Variants in ACOT12 observed in about 807,000 individuals in gnomAD.
ACOT12 encodes acetyl-coenzyme A thioesterase.
Under a neutral mutation model 67.7 loss-of-function variants are expected in ACOT12, and 51 were observed. The observed-to-expected ratio is 0.75, with a 90% CI of 0.60 to 0.95. The LOEUF (loss-of-function observed/expected upper bound fraction) is 0.95. ACOT12 is among the 40% of genes least tolerant of loss of function. The pLI, the probability that ACOT12 is intolerant of heterozygous loss-of-function variation, is 0.00. For missense variants in ACOT12, 734 were observed against 708.1 expected, an observed-to-expected ratio of 1.04 and a Z score of -0.41; for synonymous variants, 251 against 244.6, an observed-to-expected ratio of 1.03 and a Z score of -0.24.
the ACOT12 span, among the ~76,000 whole-genome samples, chr5:81,323,610 C>T: frequency 6.6e-6 from 1 of 152,044 alleles, no homozygotes; most frequent in Non-Finnish European, 1.5e-5. Context: ...GAATGAAAGG[C>T]GACAGAATGA....
intron 3 of ACOT12, among the ~76,000 whole-genome samples, chr5:81,369,078 A>G (rs1456177332): frequency 6.6e-6 from 1 of 152,082 alleles, no homozygotes; most frequent in African/African-American, 2.4e-5. Flanking sequence ...AGCAAAATGT[A>G]TACTTAAAAT....
chr5:81,333,314 G>C (rs1309445835), intron 12 of ACOT12, among the ~76,000 whole-genome samples: 1 of 152,108 alleles, frequency 6.6e-6, no homozygotes, highest in Non-Finnish European at 1.5e-5. Flanking sequence ...AAAGAAATGT[G>C]GTATATTGGA....
chr5:81,318,880 A>C, the ACOT12 span, among the ~76,000 whole-genome samples: 1 of 152,224 alleles, frequency 6.6e-6, no homozygotes, highest in Non-Finnish European at 1.5e-5. Flanking sequence ...TTTTCCAGAG[A>C]ACTGCCAAGC....
At chr5:81,331,284 T>C (rs1293153605) in intron 13 of ACOT12, among the ~76,000 whole-genome samples, 1 of 152,236 alleles carries the variant, frequency 6.6e-6, no homozygotes, top group Non-Finnish European at 1.5e-5. Context: ...ACGCCTGTAA[T>C]CCCAGCACTT....
At chr5:81,347,562 T>C (rs1759418293) in intron 6 of ACOT12, among the ~76,000 whole-genome samples, 2 of 152,206 alleles carry the variant, frequency 1.3e-5, no homozygotes, top group Admixed American at 1.3e-4. Context: ...ATTTTTATTT[T>C]TGAACCAAAA....
chr5:81,339,756 A>G (rs1402398707), intron 11 of ACOT12, among the ~76,000 whole-genome samples: 1 of 152,174 alleles, frequency 6.6e-6, no homozygotes, highest in African/African-American at 2.4e-5. Flanking sequence ...TGCTCCTTGT[A>G]TTACTACTAC....
At chr5:81,347,707 T>C in intron 6 of ACOT12, 67 bp downstream of exon 6, 1 of 1,548,214 alleles carries the variant, frequency 6.5e-7, no homozygotes, top group Non-Finnish European at 8.8e-7. Flanking sequence ...AAGAACTGGA[T>C]CTCAGTCCCT....
chr5:81,324,298 T>C, the ACOT12 span, among the ~76,000 whole-genome samples: 1 of 152,032 alleles, frequency 6.6e-6, no homozygotes, highest in Admixed American at 6.6e-5. Flanking sequence ...AGGGCTTTAG[T>C]GGTAAAGTTG....
chr5:81,318,952 C>A, the ACOT12 span, among the ~76,000 whole-genome samples: 1 of 152,154 alleles, frequency 6.6e-6, no homozygotes, highest in Non-Finnish European at 1.5e-5. Context: ...TTCCCCACCC[C>A]CACCTCCCCA....
At chr5:81,345,862 A>C (rs778343498) in intron 7 of ACOT12, 23 bp downstream of exon 7, 1 of 1,613,094 alleles carries the variant, frequency 6.2e-7, no homozygotes, top group Non-Finnish European at 8.5e-7. Context: ...ATTTCTTCAT[A>C]GCAGCCTAAG....
chr5:81,360,993 G>A (rs141618189), intron 4 of ACOT12, among the ~76,000 whole-genome samples: 24 of 146,142 alleles, frequency 1.6e-4, no homozygotes, highest in Non-Finnish European at 3.4e-4. Flanking sequence ...CACAAGAATC[G>A]CTTGAACCCA....
intron 1 of ACOT12, among the ~76,000 whole-genome samples, chr5:81,389,842 TGATGTTC>T: frequency 6.7e-6 from 1 of 148,900 alleles, no homozygotes; most frequent in Non-Finnish European, 1.5e-5. Context: ...TAGTTTTTCT[TGATGTTC>T]TATGACCTTG....
At chr5:81,391,952 AGATTCACAAATAAAAAACCGT>A (rs1417549488) in intron 1 of ACOT12, among the ~76,000 whole-genome samples, 1 of 152,210 alleles carries the variant, frequency 6.6e-6, no homozygotes, top group Non-Finnish European at 1.5e-5. Context: ...ACCCTGGAAA[AGATTCACAAATAAAAAACCGT>A]GTGTGTGAGA....
chr5:81,352,571 A>G (rs1304941870), intron 5 of ACOT12, among the ~76,000 whole-genome samples: 9 of 151,974 alleles, frequency 5.9e-5, no homozygotes, highest in African/African-American at 2.2e-4. Flanking sequence ...AATTGAACTC[A>G]TGGAGATAGC....
At chr5:81,357,874 C>T (rs1019861190) in intron 5 of ACOT12, among the ~76,000 whole-genome samples, 2 of 151,816 alleles carry the variant, frequency 1.3e-5, no homozygotes, top group Non-Finnish European at 2.9e-5. Context: ...GGCGTGGTGG[C>T]GCATGCCTGT....
the ACOT12 span, among the ~76,000 whole-genome samples, chr5:81,315,322 G>GC: frequency 2.6e-5 from 4 of 152,034 alleles, no homozygotes; most frequent in Non-Finnish European, 5.9e-5. Flanking sequence ...CCCATGGCCA[G>GC]CCCCCCATCC....
At chr5:81,359,050 C>T (rs972939000) in intron 5 of ACOT12, among the ~76,000 whole-genome samples, 3 of 152,146 alleles carry the variant, frequency 2.0e-5, no homozygotes, top group South Asian at 2.1e-4. Flanking sequence ...CCTTTCCATG[C>T]ACTCTTTCTC....
chr5:81,308,665 A>C, the ACOT12 span: 1 of 1,613,690 alleles, frequency 6.2e-7, no homozygotes, highest in Admixed American at 1.7e-5. Flanking sequence ...GTGGGTCCAC[A>C]GAGCACGAAA....
chr5:81,371,857 AT>A, intron 2 of ACOT12, 47 bp from the exon 3 acceptor site: 1 of 1,533,942 alleles, frequency 6.5e-7, no homozygotes, highest in Non-Finnish European at 9.0e-7. Flanking sequence ...AGCACATTTC[AT>A]TTCAGATAAG....
Sources: gnomAD v4.1 joint callset for allele counts (sites outside exome capture counted in the v4.1 genomes callset) on GRCh38, gnomAD v4.1.1 for gene constraint, MANE v1.5 for transcripts, NCBI Gene and HGNC (gene_info 2026-07-23, HGNC 2026-07-21) for gene names.